KATNIP: variants seen among roughly 807,000 people sequenced by gnomAD.
KATNIP encodes katanin interacting protein.
In KATNIP, 126 loss-of-function variants were observed where a neutral mutation model predicts 174.0. That is an observed-to-expected ratio of 0.72 (90% CI 0.63 to 0.84). The LOEUF (loss-of-function observed/expected upper bound fraction) is 0.84, where lower values mean the gene tolerates loss of function less well. KATNIP is among the 40% of genes least tolerant of loss of function. The pLI is 0.00. For synonymous variants in KATNIP, 810 were observed against 835.7 expected (o/e 0.97, Z 0.53); for missense variants, 1,958 against 2,109.7 (o/e 0.93, Z 1.41).
intron 6 of KATNIP, among the ~76,000 whole-genome samples, chr16:27,673,206 T>A (rs2077983055): frequency 6.6e-6 from 1 of 152,220 alleles, no homozygotes; most frequent in South Asian, 2.1e-4. Flanking sequence ...TTACTCTACC[T>A]ATCTGTCTTA....
intron 14 of KATNIP, chr16:27,727,084 C>T (rs1332041937): frequency 1.3e-5 from 2 of 157,252 alleles, no homozygotes; most frequent in African/African-American, 4.8e-5. Context: ...GTAAAGTGCT[C>T]TGAATCATTC....
At chr16:27,770,101 GA>G in intron 21 of KATNIP, 83 bp downstream of exon 21, 1 of 1,468,718 alleles carries the variant, frequency 6.8e-7, no homozygotes. Flanking sequence ...TGTACATTCC[GA>G]AAGGGTTTTG....
Position 27,713,976 on chromosome 16 carries a change from C to T in KATNIP, c.1605+5056C>T, listed in dbSNP as rs968135248. On this transcript the variant is annotated intron_variant, in intron 13 of 27. Transcript: ENST00000261588. ...TGGAGGCTCTCTGTGAACAGGCCTC[C>T]GCCCCAACTCTGTCTGCTTCACACA... Among the ~76,000 whole-genome samples the T allele has an allele frequency of 3.3e-5, 5 of 150,674 alleles. No homozygotes were observed. In the East Asian group the frequency reaches 6.0e-4, roughly 18 times the overall value.
chr16:27,552,837 G>A (rs953873884), intron 1 of KATNIP, among the ~76,000 whole-genome samples: 1 of 152,054 alleles, frequency 6.6e-6, no homozygotes, highest in Non-Finnish European at 1.5e-5. Context: ...TGGGATTACA[G>A]GCATGTGCCA....
chr16:27,589,135 G>T (rs1202498355), intron 2 of KATNIP, among the ~76,000 whole-genome samples: 1 of 150,478 alleles, frequency 6.6e-6, no homozygotes, highest in East Asian at 1.9e-4. Context: ...CAAACTCCCC[G>T]CCTCAAGTGA....
intron 1 of KATNIP, among the ~76,000 whole-genome samples, chr16:27,552,227 T>C (rs116432260): frequency 6.6e-6 from 1 of 152,210 alleles, no homozygotes; most frequent in African/African-American, 2.4e-5. Context: ...TTTTTTGTTA[T>C]GCTGTTTTGG....
At chr16:27,654,083 C>T (rs1050284952) in intron 6 of KATNIP, among the ~76,000 whole-genome samples, 4 of 152,220 alleles carry the variant, frequency 2.6e-5, no homozygotes, top group African/African-American at 9.6e-5. Context: ...TCAAGCAGTT[C>T]TTCTGCCTCA....
At chr16:27,654,286 T>TA (rs1233328133) in intron 6 of KATNIP, among the ~76,000 whole-genome samples, 5 of 152,090 alleles carry the variant, frequency 3.3e-5, no homozygotes, top group East Asian at 1.9e-4. Flanking sequence ...TCCCATTTTT[T>TA]AAAAAAACTC....
intron 6 of KATNIP, among the ~76,000 whole-genome samples, chr16:27,676,880 C>G (rs1243615115): frequency 1.3e-5 from 2 of 152,118 alleles, no homozygotes; most frequent in African/African-American, 4.8e-5. Context: ...CTGTGTTGCC[C>G]AGGCTGGTCT....
chr16:27,641,439 G>GTT (rs1325714617), intron 5 of KATNIP, among the ~76,000 whole-genome samples: 1 of 152,086 alleles, frequency 6.6e-6, no homozygotes, highest in African/African-American at 2.4e-5. Context: ...TCACTGGGGG[G>GTT]ACAGGGGAAT....
chr16:27,694,784 C>T (rs2078856596), intron 8 of KATNIP, among the ~76,000 whole-genome samples: 1 of 146,466 alleles, frequency 6.8e-6, no homozygotes, highest in South Asian at 2.3e-4. Context: ...CAAGGGAGAC[C>T]CTACCACAAT....
chr16:27,590,034 AT>A (rs888530577), intron 2 of KATNIP, among the ~76,000 whole-genome samples: 63 of 149,184 alleles, frequency 4.2e-4, no homozygotes, highest in Admixed American at 1.6e-3. Context: ...TTTATTTGTG[AT>A]TTTTTTTTTA....
intron 2 of KATNIP, among the ~76,000 whole-genome samples, chr16:27,599,645 G>C (rs1308428023): frequency 6.6e-6 from 1 of 152,148 alleles, no homozygotes; most frequent in East Asian, 1.9e-4. Context: ...ACGTGGCTGA[G>C]TCCTCTCATC....
rs1240272405 is a variant in KATNIP at position 27,750,166 on chromosome 16, A to C, written c.3206A>C (p.His1069Pro). 5.6e-6 allele frequency: 9 copies of C among 1,614,020 alleles called. No individual in the cohort carries two copies. Among genetic ancestry groups the C allele is most frequent in the African/African-American group, 2.7e-5 (2 of 74,914 alleles). Residue 1069 changes from histidine to proline, a missense_variant, in exon 16 of 28, where the codon CAC (histidine) becomes CCC (proline). Coordinates refer to ENST00000261588, the MANE Select transcript of KATNIP (RefSeq NM_015202.5). ...ACCATTGACTTCACGCACCCTTGCC[A>C]CGTTGCCCTGATCAGAATTTGGAAC... ...SITIDFTHPC[H>P]VALIRIWNYN...
At chr16:27,641,909 G>A (rs553551768) in intron 5 of KATNIP, among the ~76,000 whole-genome samples, 8 of 152,306 alleles carry the variant, frequency 5.3e-5, no homozygotes, top group South Asian at 2.1e-4. Flanking sequence ...GGCCCTGGCC[G>A]GTGCTGGTGA....
At chr16:27,659,856 G>A (rs1055454399) in intron 6 of KATNIP, among the ~76,000 whole-genome samples, 1 of 152,172 alleles carries the variant, frequency 6.6e-6, no homozygotes, top group African/African-American at 2.4e-5. Flanking sequence ...TCTGTTGGCC[G>A]GTTTGGTGGC....
chr16:27,634,047 A>G (rs1175057616), intron 5 of KATNIP, among the ~76,000 whole-genome samples: 1 of 152,176 alleles, frequency 6.6e-6, no homozygotes, highest in South Asian at 2.1e-4. Context: ...CACTTAAGAC[A>G]GTTCTTCTAC....
rs573080283 is a variant in KATNIP at position 27,714,262 on chromosome 16, G to T, written c.1605+5342G>T. On this transcript the variant is annotated intron_variant, in intron 13 of 27. Transcript: ENST00000261588. Reference sequence around the variant, plus strand: ...CAGAGCACATCTCACTGTAAGAAATGATCTTGTTTACATGTATATTATGTC... The same window carrying T: ...CAGAGCACATCTCACTGTAAGAAATTATCTTGTTTACATGTATATTATGTC... 3.3e-5 allele frequency among the ~76,000 whole-genome samples: 5 copies of T among 152,110 alleles called. No homozygotes were observed. The South Asian group carries it at 1.0e-3, about 32-fold the overall frequency.
intron 1 of KATNIP, among the ~76,000 whole-genome samples, chr16:27,560,309 A>T (rs2089824226): frequency 6.7e-6 from 1 of 149,986 alleles, no homozygotes; most frequent in Admixed American, 6.6e-5. Context: ...AAAAAAAGGT[A>T]ATTTCACATA....
Sources: gnomAD v4.1 joint callset for allele counts (sites outside exome capture counted in the v4.1 genomes callset) on GRCh38, gnomAD v4.1.1 for gene constraint, MANE v1.5 for transcripts, NCBI Gene and HGNC (gene_info 2026-07-23, HGNC 2026-07-21) for gene names.